The following DACH2 variants were observed in gnomAD, a reference collection of about 807,000 sequenced individuals.
DACH2 encodes the protein dachshund family transcription factor 2, also known as dachshund homolog 2.
DACH2 carries 17 observed loss-of-function variants against 35.8 expected under a neutral mutation model. The observed-to-expected ratio is 0.48, with a 90% confidence interval of 0.33 to 0.71. The LOEUF is 0.71. Among genes scored for constraint, DACH2 ranks in the 30% least tolerant of loss-of-function variants. The pLI is 0.02. For synonymous variants in DACH2, 195 were observed against 177.3 expected, an observed-to-expected ratio of 1.10 and a Z score of -0.79; for missense variants, 469 against 472.7, an observed-to-expected ratio of 0.99 and a Z score of 0.07.
chrX:86,626,251 T>C lies in DACH2; in HGVS notation c.641-24785T>C, dbSNP rs147079443. 2.2e-3 allele frequency among the ~76,000 whole-genome samples: 252 copies of C among 112,485 alleles called. 1 individual carries two copies. The highest frequency in any genetic ancestry group is 7.6e-3 in the African/African-American group (236 of 30,991). The stretch of plus-strand genomic sequence containing the variant: ...CAGCAGGGCAATCAAATCTTAAAGC[T>C]CTTAAATGATCTCCTTTGACTTGAT... On this transcript the variant is annotated intron_variant, in intron 3 of 11. Coordinates refer to ENST00000373125, the MANE Select transcript of DACH2 (RefSeq NM_053281.3).
chrX:86,549,597 C>A (rs1341455352), intron 3 of DACH2, among the ~76,000 whole-genome samples: 1 of 108,629 alleles, frequency 9.2e-6, no homozygotes, highest in African/African-American at 3.3e-5. Context: ...TTTATTTTTG[C>A]CTTTCTCTGA....
At chrX:86,472,087 C>T (rs916481681) in intron 2 of DACH2, among the ~76,000 whole-genome samples, 2 of 111,908 alleles carry the variant, frequency 1.8e-5, no homozygotes, top group Admixed American at 9.5e-5. Flanking sequence ...CGGATTATTA[C>T]GTTATTCACT....
At chrX:86,300,069 T>A (rs2034545320) in intron 1 of DACH2, among the ~76,000 whole-genome samples, 1 of 111,426 alleles carries the variant, frequency 9.0e-6, no homozygotes, top group African/African-American at 3.3e-5. Flanking sequence ...TCAGTTGTTT[T>A]GAAATATACA....
chrX:86,183,756 G>T (rs1385698711), intron 1 of DACH2, among the ~76,000 whole-genome samples: 1 of 111,720 alleles, frequency 9.0e-6, no homozygotes, highest in Non-Finnish European at 1.9e-5. Context: ...AATGGTACCA[G>T]CTCCTCTTTG....
chrX:86,445,581 A>AAAAAAT (rs1556171636), intron 2 of DACH2, among the ~76,000 whole-genome samples: 1 of 101,644 alleles, frequency 9.8e-6, no homozygotes, highest in African/African-American at 3.7e-5. Context: ...AAAAAAAAAA[A>AAAAAAT]GAAATTTTTA....
rs750971305 is a variant in DACH2, at chrX:86,767,289, TG to T, written c.1240+27408del. 3.9e-3 allele frequency among the ~76,000 whole-genome samples: 442 copies of T among 112,014 alleles called. 2 individuals are homozygous for T. The highest frequency in any genetic ancestry group is 0.014 in the African/African-American group (422 of 30,920). ...TGGCTAGAACCTCTGAAGCAGTATTTGTTTCCTATACTACTGTTAATTTGTA... is the reference window on the plus strand; with the variant it reads ...TGGCTAGAACCTCTGAAGCAGTATTTTTTCCTATACTACTGTTAATTTGTA... On this transcript the variant is annotated intron_variant, in intron 7 of 11. Transcript: ENST00000373125.
chrX:86,501,552 A>T (rs781557222), intron 2 of DACH2, among the ~76,000 whole-genome samples: 55 of 111,571 alleles, frequency 4.9e-4, no homozygotes, highest in Non-Finnish European at 8.9e-4. Context: ...TTTTCCTGTG[A>T]ATATTAAGAG....
chrX:86,160,379 C>A, intron 1 of DACH2: 1 of 682,803 alleles, frequency 1.5e-6, no homozygotes, highest in Non-Finnish European at 2.3e-6. Context: ...GTCTGAGAAG[C>A]TCTCAATACA....
At chrX:86,200,492 AC>A (rs2032121355) in intron 1 of DACH2, among the ~76,000 whole-genome samples, 1 of 110,838 alleles carries the variant, frequency 9.0e-6, no homozygotes, top group Admixed American at 9.7e-5. Context: ...TAAACAGAGA[AC>A]ATACAGAATG....
At chrX:86,371,941 T>A (rs1419181575) in intron 1 of DACH2, among the ~76,000 whole-genome samples, 1 of 111,300 alleles carries the variant, frequency 9.0e-6, no homozygotes, top group Non-Finnish European at 1.9e-5. Flanking sequence ...CATTGTTTAT[T>A]GTATTGGGCC....
chrX:86,369,990 G>A (rs1388695478), intron 1 of DACH2, among the ~76,000 whole-genome samples: 1 of 111,511 alleles, frequency 9.0e-6, no homozygotes, highest in Non-Finnish European at 1.9e-5. Flanking sequence ...TAAGGGTAAA[G>A]TGTCCCTTCA....
chrX:86,500,581 A>G (rs763851298), intron 2 of DACH2, among the ~76,000 whole-genome samples: 6 of 111,977 alleles, frequency 5.4e-5, no homozygotes, highest in African/African-American at 1.9e-4. Context: ...TCTTGTATTC[A>G]TTGCAATTTA....
chrX:86,177,116 G>A (rs1246082526), intron 1 of DACH2, among the ~76,000 whole-genome samples: 2 of 111,704 alleles, frequency 1.8e-5, no homozygotes, highest in Non-Finnish European at 3.8e-5. Context: ...TCCTTTCTTT[G>A]TGTTACAAAT....
At chrX:86,778,273 C>T (rs759519820) in intron 7 of DACH2, among the ~76,000 whole-genome samples, 42 of 111,399 alleles carry the variant, frequency 3.8e-4, no homozygotes, top group African/African-American at 1.4e-3. Context: ...ATTAGAGTAT[C>T]CCTTTCTCCA....
At chrX:86,291,493 G>A (rs1379324057) in intron 1 of DACH2, among the ~76,000 whole-genome samples, 2 of 105,226 alleles carry the variant, frequency 1.9e-5, no homozygotes, top group South Asian at 4.6e-4. Flanking sequence ...GGGCATCCCT[G>A]TCTTGTGCCA....
rs539341234 is a variant in DACH2, at chrX:86,819,822, A to G, written c.1750+3723A>G. ...GCTCCTTTAATTAATTAGCATGAACAGCAGTAACATGAACTGCTGAACAGA... is the reference window on the plus strand; with the variant it reads ...GCTCCTTTAATTAATTAGCATGAACGGCAGTAACATGAACTGCTGAACAGA... On this transcript the variant is annotated intron_variant, in intron 11 of 11. Transcript: ENST00000373125. Among the ~76,000 whole-genome samples the G allele has an allele frequency of 3.4e-4, 38 of 111,701 alleles. 1 individual carries two copies. The highest frequency in any genetic ancestry group is 9.2e-3 in the Middle Eastern group (2 of 217).
chrX:86,517,755 T>C (rs1197274478), intron 3 of DACH2, among the ~76,000 whole-genome samples: 1 of 111,701 alleles, frequency 9.0e-6, no homozygotes, highest in African/African-American at 3.3e-5. Flanking sequence ...TGTTTTTCTC[T>C]GGTAAATTTG....
At chrX:86,691,761 C>A (rs1249333478) in intron 4 of DACH2, among the ~76,000 whole-genome samples, 1 of 111,620 alleles carries the variant, frequency 9.0e-6, no homozygotes, top group Non-Finnish European at 1.9e-5. Context: ...AAACTAAATT[C>A]TTGTTGTTTA....
At chrX:86,470,423 A>G (rs1331302259) in intron 2 of DACH2, among the ~76,000 whole-genome samples, 1 of 112,007 alleles carries the variant, frequency 8.9e-6, no homozygotes. Context: ...TAGTCATGTC[A>G]CATAATAATA....
Sources: gnomAD v4.1 joint callset for allele counts (sites outside exome capture counted in the v4.1 genomes callset) on GRCh38, gnomAD v4.1.1 for gene constraint, MANE v1.5 for transcripts, NCBI Gene and HGNC (gene_info 2026-07-23, HGNC 2026-07-21) for gene names.